MDN1: variants seen among roughly 807,000 people sequenced by gnomAD.
The protein encoded by MDN1 is midasin AAA ATPase 1.
In MDN1, 266 loss-of-function variants were observed where a neutral mutation model predicts 669.2. The observed-to-expected ratio is 0.40, with a 90% CI of 0.36 to 0.44. The LOEUF (loss-of-function observed/expected upper bound fraction) is 0.44, where lower values mean the gene tolerates loss of function less well. Ranked by LOEUF, MDN1 falls within the 20% of genes least tolerant of loss-of-function variation. The probability of loss-of-function intolerance (pLI) is 1.00; values close to 1 mark genes in which losing one functional copy is unlikely to be tolerated. For missense variants in MDN1, 5,940 were observed against 6,754.0 expected, an observed-to-expected ratio of 0.88 and a Z score of 4.22; for synonymous variants, 2,385 against 2,457.1, an observed-to-expected ratio of 0.97 and a Z score of 0.87.
At position 89,745,508 on chromosome 6, in the gene MDN1, A is replaced by G. The variant is rs148919938; in HGVS notation, c.4023T>C (p.Asn1341=). The part of the protein sequence containing the change: ...LCPQSLFSKE[N]VLKLLGKLST... ...CCTACTCACCCAGCAATTTTAGAAC[A>G]TTTTCTTTGGAGAAAAGAGATTGAG... The change falls in exon 28 of 102, where the codon AAT becomes AAC. Residue 1341 remains asparagine, a synonymous_variant. Coordinates refer to ENST00000369393, the MANE Select transcript of MDN1 (RefSeq NM_014611.3). The G allele has an allele frequency of 1.9e-6, 3 of 1,613,972 alleles. No homozygotes were observed. The African/African-American group carries it at 4.0e-5, about 22-fold the overall frequency.
In MDN1 at chr6:89,644,088, G is replaced by A; in HGVS notation, c.16708C>T (p.Arg5570Ter). 6.2e-7 allele frequency: 1 copy of A among 1,614,060 alleles called. No individual in the cohort carries two copies. The highest frequency in any genetic ancestry group is 8.5e-7 in the Non-Finnish European group (1 of 1,180,008). The change falls in exon 102 of 102, where the codon CGA becomes TGA. Residue 5570 changes from arginine to a stop codon, truncating the protein, a stop_gained. Transcript: ENST00000369393. LOFTEE classifies it high-confidence loss of function. ...EFPFPYYIILRDVNALPETLS... is the reference protein window; with the variant it reads ...EFPFPYYIIL ...GTCTCAGGAAGTGCGTTTACATCTC[G>A]AAGAATGATATAGTATGGGAATGGG...
chr6:89,723,480 A>G (rs1584268410), intron 39 of MDN1, 32 bp downstream of exon 39: 3 of 1,328,304 alleles, frequency 2.3e-6, no homozygotes. Context: ...ACAGCCAGAA[A>G]AAAAAAGAAA....
intron 30 of MDN1, 104 bp from the exon 31 acceptor site, chr6:89,743,384 A>G (rs1816395187): frequency 2.0e-6 from 3 of 1,466,182 alleles, no homozygotes; most frequent in Non-Finnish European, 2.8e-6. Flanking sequence ...ATTCTGAGGA[A>G]AGTAAGAATC....
chr6:89,775,555 C>T (rs1207187528), intron 12 of MDN1, among the ~76,000 whole-genome samples: 2 of 152,164 alleles, frequency 1.3e-5, no homozygotes, highest in African/African-American at 2.4e-5. Context: ...CTGAAAGGAT[C>T]CCTCCTCCCA....
intron 37 of MDN1, among the ~76,000 whole-genome samples, chr6:89,727,547 C>A (rs901528245): frequency 6.6e-6 from 1 of 152,098 alleles, no homozygotes; most frequent in East Asian, 1.9e-4. Context: ...AATGCAGAAA[C>A]GGCAAGCCTG....
At position 89,662,138 on chromosome 6, in the gene MDN1, T is replaced by G. The variant is rs1809823695; in HGVS notation, c.14514A>C (p.Glu4838Asp). 1.2e-6 allele frequency: 2 copies of G among 1,614,096 alleles called. No homozygotes were observed. The highest frequency in any genetic ancestry group is 1.3e-5 in the African/African-American group (1 of 75,046). ...CTTCACCTTGTCCACCATCATCAGC[T>G]TCTGCTTCTTCCTTTTCTTCCTTCT... ...QDKKEEKEEA[E>D]ADDGGQGEDK... The change falls in exon 87 of 102, where the codon GAA becomes GAC. Residue 4838 changes from glutamate (E) to aspartate (D), a missense_variant. Glu to Asp is a conservative substitution (Grantham distance 45). This residue lies in a region of MDN1 where 2,280 missense variants were observed against 2,576.3 expected (regional missense o/e 0.88). Transcript: ENST00000369393.
intron 63 of MDN1, among the ~76,000 whole-genome samples, 198 bp from the exon 64 acceptor site, chr6:89,691,032 G>A (rs568008341): frequency 6.6e-6 from 1 of 152,320 alleles, no homozygotes; most frequent in Admixed American, 6.5e-5. Context: ...TCAGCAACCA[G>A]TTTCCTAAAT....
chr6:89,715,976 C>T (rs1326632247), intron 44 of MDN1, among the ~76,000 whole-genome samples: 2 of 152,162 alleles, frequency 1.3e-5, no homozygotes, highest in East Asian at 3.8e-4. Context: ...GGGCCTTATA[C>T]ACAGTAAATA....
At chr6:89,648,872 T>C (rs983582711) in intron 97 of MDN1, among the ~76,000 whole-genome samples, 1 of 150,286 alleles carries the variant, frequency 6.7e-6, no homozygotes, top group Non-Finnish European at 1.5e-5. Context: ...TGGTCCCAGC[T>C]ACTCAGGAGG....
Position 89,701,673 on chromosome 6 carries a change from T to C in MDN1, c.8312A>G (p.Tyr2771Cys). ...RLLMNYEDKY[Y>C]KEVQTVSEHI... The stretch of plus-strand genomic sequence containing the variant: ...TTCTGAGACAGTCTGAACTTCTTTG[T>C]AATATCTTTAAAGGAGAACAAGGGC... The change falls in exon 55 of 102, where the codon TAC becomes TGC. Residue 2771 changes from tyrosine to cysteine, a missense_variant. Transcript: ENST00000369393. 6.2e-7 allele frequency: 1 copy of C among 1,613,712 alleles called. No homozygotes were observed. The highest frequency in any genetic ancestry group is 8.5e-7 in the Non-Finnish European group (1 of 1,179,854).
At chr6:89,728,045 G>C (rs1014962750) in intron 36 of MDN1, 90 bp from the exon 37 acceptor site, 1 of 1,436,732 alleles carries the variant, frequency 7.0e-7, no homozygotes, top group Non-Finnish European at 9.4e-7. Flanking sequence ...ATAAATACTT[G>C]GGGCTGGCAC....
chr6:89,750,607 G>C, intron 23 of MDN1, 75 bp from the exon 24 acceptor site: 1 of 1,405,062 alleles, frequency 7.1e-7, no homozygotes, highest in South Asian at 1.3e-5. Flanking sequence ...ACTGAGTATT[G>C]GTTTGTTTTG....
chr6:89,700,541 C>T (rs1813083176), intron 56 of MDN1, 105 bp downstream of exon 56: 3 of 1,131,362 alleles, frequency 2.7e-6, no homozygotes, highest in South Asian at 1.5e-5. Flanking sequence ...AACTCTACCC[C>T]TCACATCACC....
chr6:89,752,536 G>A (rs142036142), intron 22 of MDN1, among the ~76,000 whole-genome samples: 1 of 152,154 alleles, frequency 6.6e-6, no homozygotes, highest in Non-Finnish European at 1.5e-5. Flanking sequence ...TTGATTGTGA[G>A]CAAGTTTCTC....
rs1810050126 is a variant in MDN1, at chr6:89,664,602, T to C, written c.14121A>G (p.Gln4707=). 1.2e-6 allele frequency: 2 copies of C among 1,612,422 alleles called. No homozygotes were observed. The highest frequency in any genetic ancestry group is 2.2e-5 in the South Asian group (2 of 90,984). ...EQVEDTFQKG[Q]EKDKEDPDSK... Reference sequence around the variant, plus strand: ...AATCAGGATCCTCTTTGTCTTTTTCTTGACCCTTCTGAAATGTATCTTCCA... The same window carrying C: ...AATCAGGATCCTCTTTGTCTTTTTCCTGACCCTTCTGAAATGTATCTTCCA... The change falls in exon 85 of 102, where the codon CAA becomes CAG. Residue 4707 remains glutamine (Q), a synonymous_variant. Transcript: ENST00000369393.
At chr6:89,696,083 C>A (rs958124200) in intron 60 of MDN1, 91 bp from the exon 61 acceptor site, 245 of 1,463,802 alleles carry the variant, frequency 1.7e-4, no homozygotes, top group South Asian at 1.4e-3. Flanking sequence ...GAAATGATAA[C>A]CACAGAATGC....
At chr6:89,791,126 T>G (rs549934126) in intron 5 of MDN1, among the ~76,000 whole-genome samples, 3 of 152,172 alleles carry the variant, frequency 2.0e-5, no homozygotes, top group African/African-American at 7.2e-5. Flanking sequence ...CCATGGGAAG[T>G]AGGGAATCAG....
intron 5 of MDN1, among the ~76,000 whole-genome samples, chr6:89,791,152 G>T (rs547052275): frequency 6.6e-6 from 1 of 152,270 alleles, no homozygotes; most frequent in East Asian, 1.9e-4. Context: ...GTTGGCAAAT[G>T]TAAGAAAATC....
chr6:89,670,686 G>C (rs531105215), intron 83 of MDN1, among the ~76,000 whole-genome samples: 3 of 152,158 alleles, frequency 2.0e-5, no homozygotes, highest in Non-Finnish European at 4.4e-5. Context: ...TCGTCAGTTT[G>C]GGGGAAAGGG....
Sources: gnomAD v4.1 joint callset for allele counts (sites outside exome capture counted in the v4.1 genomes callset) on GRCh38, gnomAD v4.1.1 for gene constraint, gnomAD v4.1.1 regional missense constraint, MANE v1.5 for transcripts, NCBI Gene and HGNC (gene_info 2026-07-23, HGNC 2026-07-21) for gene names.